Variants in MID1 observed in about 807,000 individuals in gnomAD.
MID1 encodes midline 1, also known as E3 ubiquitin-protein ligase Midline-1.
MID1 carries 7 observed loss-of-function variants against 40.4 expected under a neutral mutation model. The ratio of observed to expected loss-of-function variants is 0.17; its 90% CI spans 0.10 to 0.33. MID1 has a LOEUF of 0.33. MID1 is among the 10% of genes least tolerant of loss of function. The pLI is 1.00. For synonymous variants in MID1, 229 were observed against 221.2 expected (o/e 1.04, Z -0.31); for missense variants, 367 against 558.5 (o/e 0.66, Z 3.46).
At chrX:10,770,831 G>A (rs1289355314) in intron 1 of MID1, among the ~76,000 whole-genome samples, 1 of 112,094 alleles carries the variant, frequency 8.9e-6, no homozygotes, top group Non-Finnish European at 1.9e-5. Flanking sequence ...TTGGCTGGGT[G>A]CGGTGGCTCA....
chrX:10,461,138 TACACACACACACAC>T (rs200040870), intron 7 of MID1, among the ~76,000 whole-genome samples: 3 of 96,812 alleles, frequency 3.1e-5, no homozygotes, highest in Non-Finnish European at 6.1e-5. Context: ...TATCTAAAGA[TACACACACACACAC>T]ACACACACAC....
At chrX:10,807,376 G>T (rs1489842738) in intron 1 of MID1, among the ~76,000 whole-genome samples, 1 of 112,190 alleles carries the variant, frequency 8.9e-6, no homozygotes, top group Non-Finnish European at 1.9e-5. Flanking sequence ...TCACAGTTCT[G>T]TAGGCTTGAA....
intron 1 of MID1, among the ~76,000 whole-genome samples, chrX:10,777,625 C>T (rs2043814537): frequency 9.2e-6 from 1 of 108,969 alleles, no homozygotes; most frequent in Non-Finnish European, 1.9e-5. Flanking sequence ...ATTGCAACCT[C>T]CACCTCCCAG....
chrX:10,580,188 G>GCCCC (rs1354677080), intron 1 of MID1, among the ~76,000 whole-genome samples: 2 of 93,212 alleles, frequency 2.1e-5, no homozygotes, highest in African/African-American at 8.4e-5. Context: ...TCAATCACAT[G>GCCCC]CCCCCCCCCG....
At chrX:10,640,771 C>T (rs1473685447) in intron 1 of MID1, among the ~76,000 whole-genome samples, 2 of 111,000 alleles carry the variant, frequency 1.8e-5, no homozygotes, top group Non-Finnish European at 3.8e-5. Context: ...GGAAGTAAAG[C>T]ACTCCTCAGC....
intron 1 of MID1, among the ~76,000 whole-genome samples, chrX:10,769,109 A>T (rs1202164602): frequency 8.9e-6 from 1 of 111,792 alleles, no homozygotes; most frequent in African/African-American, 3.3e-5. Context: ...TTGTTAAAAG[A>T]GGCATATTAC....
In MID1 at chrX:10,739,955, T is replaced by C. The variant is rs149443075; in HGVS notation, c.-187+93599A>G. Among the ~76,000 whole-genome samples the C allele has an allele frequency of 3.2e-3, 364 of 112,390 alleles. 3 individuals are homozygous for C. Among genetic ancestry groups the C allele is most frequent in the African/African-American group, 0.011 (332 of 30,963 alleles). On this transcript the variant is annotated intron_variant, in intron 1 of 10. Transcript: ENST00000380785. ...TGGGCTGCATCTGTTTTGAATACTT[T>C]CAATGCCCCAAGCGTAGGCATTGAC...
intron 1 of MID1, among the ~76,000 whole-genome samples, chrX:10,679,496 T>C (rs2043045126): frequency 8.9e-6 from 1 of 111,917 alleles, no homozygotes; most frequent in Admixed American, 9.5e-5. Context: ...TGCCTGTTGG[T>C]ATAAATAAAG....
chrX:10,472,566 A>C (rs1436308060), intron 6 of MID1, among the ~76,000 whole-genome samples: 1 of 112,600 alleles, frequency 8.9e-6, no homozygotes, highest in African/African-American at 3.2e-5. Flanking sequence ...TTAATTTTCC[A>C]GTCTTTTCTG....
chrX:10,474,609 A>G lies in MID1; in HGVS notation c.1141+14T>C. 2 of 1,207,934 alleles carry G rather than the reference A, an allele frequency of 1.7e-6. No individual in the cohort carries two copies. Among genetic ancestry groups the G allele is most frequent in the Non-Finnish European group, 1.1e-6 (1 of 892,451 alleles). ...AAGTGTGCACAATATTAAAGAGAAC[A>G]TAAAAGACAATACCTGTAAGGTAAT... On this transcript the variant is annotated intron_variant, in intron 6 of 9. Transcript: ENST00000317552.
At chrX:10,550,335 C>T (rs1468455248) in intron 2 of MID1, among the ~76,000 whole-genome samples, 4 of 112,143 alleles carry the variant, frequency 3.6e-5, no homozygotes, top group African/African-American at 9.7e-5. Context: ...TCAAATACAC[C>T]TAAATCATGT....
At position 10,618,559 on chromosome X, in the gene MID1, G is replaced by A. The variant is rs954514300; in HGVS notation, c.-57+1731C>T. On this transcript the variant is annotated intron_variant, in intron 1 of 9. Transcript: ENST00000317552. ...CCAAAAAAATTAGTAGACATACGTA[G>A]CTGTGAGATGAAAAGTTGCCCATTC... 6.2e-5 allele frequency among the ~76,000 whole-genome samples: 7 copies of A among 112,086 alleles called. No homozygotes were observed. The East Asian group carries it at 1.4e-3, about 23-fold the overall frequency.
intron 1 of MID1, among the ~76,000 whole-genome samples, chrX:10,795,049 C>G (rs2043958674): frequency 9.0e-6 from 1 of 111,634 alleles, no homozygotes; most frequent in Non-Finnish European, 1.9e-5. Context: ...AGATAATTCT[C>G]TGTGTCTGGG....
intron 1 of MID1, among the ~76,000 whole-genome samples, chrX:10,728,063 G>C (rs764365041): frequency 8.9e-6 from 1 of 112,026 alleles, no homozygotes; most frequent in Non-Finnish European, 1.9e-5. Context: ...TTCTGCACAT[G>C]GTAACTGGTT....
At chrX:10,495,750 AT>A in intron 3 of MID1, 59 bp from the exon 4 acceptor site, 1 of 756,504 alleles carries the variant, frequency 1.3e-6, no homozygotes, top group Non-Finnish European at 2.1e-6. Flanking sequence ...GTTAAGTGCT[AT>A]TTTTAATGTA....
intron 7 of MID1, among the ~76,000 whole-genome samples, chrX:10,465,755 C>T (rs1602259836): frequency 9.0e-6 from 1 of 111,412 alleles, no homozygotes; most frequent in Non-Finnish European, 1.9e-5. Flanking sequence ...TAGATTCTTC[C>T]TTAGTTGAGT....
At chrX:10,669,234 A>G (rs1347820164) in intron 1 of MID1, among the ~76,000 whole-genome samples, 3 of 81,462 alleles carry the variant, frequency 3.7e-5, no homozygotes, top group Non-Finnish European at 6.5e-5. Flanking sequence ...TCAAAATAAA[A>G]AAAAAAAAAA....
chrX:10,757,085 C>T (rs2043637086), intron 1 of MID1, among the ~76,000 whole-genome samples: 1 of 111,922 alleles, frequency 8.9e-6, no homozygotes, highest in Non-Finnish European at 1.9e-5. Context: ...TGGGCATCAG[C>T]CTCAGCTGGA....
intron 3 of MID1, among the ~76,000 whole-genome samples, chrX:10,522,346 G>C (rs1213614600): frequency 8.9e-6 from 1 of 112,185 alleles, no homozygotes; most frequent in Admixed American, 9.4e-5. Flanking sequence ...AAGAGGCAAG[G>C]AAGGATCCTC....
Sources: allele counts gnomAD v4.1 joint callset (sites outside exome capture counted in the v4.1 genomes callset), GRCh38; gene constraint gnomAD v4.1.1; transcripts MANE v1.5; gene names NCBI Gene and HGNC (gene_info 2026-07-23, HGNC 2026-07-21).